PPP1CB: variants seen among roughly 807,000 people sequenced by gnomAD.
PPP1CB encodes the protein serine/threonine-protein phosphatase PP1-beta catalytic subunit.
PPP1CB carries 2 observed loss-of-function variants against 43.7 expected under a neutral mutation model. That is an observed-to-expected ratio of 0.05 (90% confidence interval 0.02 to 0.14). The LOEUF is 0.14. PPP1CB is among the 10% of genes least tolerant of loss of function. PPP1CB has a pLI of 1.00. For synonymous variants in PPP1CB, 136 were observed against 135.6 expected, an observed-to-expected ratio of 1.00 and a Z score of -0.02; for missense variants, 84 against 398.0, an observed-to-expected ratio of 0.21 and a Z score of 6.71.
chr2:28,774,749 A>G (rs1337307429), intron 1 of PPP1CB, among the ~76,000 whole-genome samples: 1 of 152,056 alleles, frequency 6.6e-6, no homozygotes, highest in Non-Finnish European at 1.5e-5. Flanking sequence ...CTTAAACTAA[A>G]ATCTTCCACA....
At chr2:28,792,300 G>A (rs1049820769) in intron 6 of PPP1CB, among the ~76,000 whole-genome samples, 13 of 151,622 alleles carry the variant, frequency 8.6e-5, no homozygotes, top group Admixed American at 5.3e-4. Flanking sequence ...AGATCGCGCC[G>A]TTGCACTCCA....
intron 1 of PPP1CB, among the ~76,000 whole-genome samples, chr2:28,773,856 A>C (rs1666968504): frequency 6.6e-6 from 1 of 152,070 alleles, no homozygotes; most frequent in East Asian, 1.9e-4. Context: ...GCATTCATCA[A>C]CTCTTAAGAT....
intron 4 of PPP1CB, among the ~76,000 whole-genome samples, chr2:28,782,264 A>G (rs1165739644): frequency 6.6e-6 from 1 of 152,154 alleles, no homozygotes; most frequent in East Asian, 1.9e-4. Flanking sequence ...TATTAACAAT[A>G]AAATAATAAA....
At chr2:28,773,049 C>T (rs1010358931) in intron 1 of PPP1CB, among the ~76,000 whole-genome samples, 4 of 152,112 alleles carry the variant, frequency 2.6e-5, no homozygotes, top group Non-Finnish European at 5.9e-5. Context: ...TCAGGCATTA[C>T]TGTCATTAGT....
At chr2:28,794,788 T>G (rs1174287979) in intron 7 of PPP1CB, among the ~76,000 whole-genome samples, 2 of 152,194 alleles carry the variant, frequency 1.3e-5, no homozygotes, top group Non-Finnish European at 2.9e-5. Flanking sequence ...TTTTTTCTTT[T>G]GAGGAAGCAC....
chr2:28,794,967 A>C (rs1023727973), intron 7 of PPP1CB, among the ~76,000 whole-genome samples: 4 of 152,114 alleles, frequency 2.6e-5, no homozygotes, highest in Non-Finnish European at 5.9e-5. Context: ...TAGTGAGCAT[A>C]GAGTTTTTCA....
intron 1 of PPP1CB, among the ~76,000 whole-genome samples, chr2:28,769,637 T>A (rs1250891360): frequency 6.6e-6 from 1 of 152,184 alleles, no homozygotes; most frequent in Non-Finnish European, 1.5e-5. Flanking sequence ...AGGATAAATG[T>A]GAGTAAATAC....
intron 1 of PPP1CB, among the ~76,000 whole-genome samples, chr2:28,771,002 A>ATACCAAT (rs1236465660): frequency 1.3e-5 from 2 of 149,962 alleles, no homozygotes; most frequent in African/African-American, 4.9e-5. Flanking sequence ...AATTGTGAAG[A>ATACCAAT]TACCAATTCT....
At position 28,759,520 on chromosome 2, in the gene PPP1CB, C is replaced by CAA. The variant is rs559532367; in HGVS notation, c.52+7369_52+7370dup. ...GGGCGAAAGAGTGAGACTGCATCTC[C>CAA]AAAAAAAAAAAAAAAAAAAAAAAAA... On this transcript the variant is annotated intron_variant, in intron 1 of 7. Transcript: ENST00000395366. Among the ~76,000 whole-genome samples the CAA allele has an allele frequency of 1.7e-3, 175 of 100,790 alleles. 3 individuals are homozygous for CAA. Among genetic ancestry groups the CAA allele is most frequent in the East Asian group, 3.4e-3 (7 of 2,062 alleles). The allele number at this position is 100,790 out of a possible 152,430, so 66.1% of individuals were successfully genotyped here.
At chr2:28,791,367 G>A (rs1002350223) in intron 6 of PPP1CB, among the ~76,000 whole-genome samples, 22 of 151,862 alleles carry the variant, frequency 1.4e-4, no homozygotes, top group Non-Finnish European at 1.2e-4. Context: ...GTCTCACACT[G>A]TTTCCCGGGC....
chr2:28,752,910 T>A (rs1231445459), intron 1 of PPP1CB, among the ~76,000 whole-genome samples: 1 of 152,242 alleles, frequency 6.6e-6, no homozygotes, highest in Non-Finnish European at 1.5e-5. Context: ...CTGCACAAAC[T>A]TAGTGAAAAT....
chr2:28,775,909 C>G (rs1169918772), intron 1 of PPP1CB, among the ~76,000 whole-genome samples: 1 of 152,184 alleles, frequency 6.6e-6, no homozygotes, highest in African/African-American at 2.4e-5. Flanking sequence ...AGATGCCTCA[C>G]TCCATCTAAA....
At chr2:28,787,960 A>G (rs10169505) in intron 5 of PPP1CB, among the ~76,000 whole-genome samples, 13,569 of 152,098 alleles carry the variant, frequency 0.089, 1,327 homozygotes, top group African/African-American at 0.23. Context: ...AAAGTCAAGG[A>G]TCTGATCTGA....
At chr2:28,780,518 C>G (rs1572459946) in intron 3 of PPP1CB, among the ~76,000 whole-genome samples, 1 of 152,144 alleles carries the variant, frequency 6.6e-6, no homozygotes, top group Non-Finnish European at 1.5e-5. Context: ...TGGAGTACAT[C>G]AAACTACAAC....
chr2:28,789,232 C>T (rs1212411666), intron 6 of PPP1CB, among the ~76,000 whole-genome samples: 1 of 151,930 alleles, frequency 6.6e-6, no homozygotes, highest in Admixed American at 6.6e-5. Flanking sequence ...TGGGGCTGGG[C>T]ATGGTGGCTC....
chr2:28,774,846 A>G (rs934872257), intron 1 of PPP1CB, among the ~76,000 whole-genome samples: 5 of 152,218 alleles, frequency 3.3e-5, no homozygotes, highest in Admixed American at 2.0e-4. Flanking sequence ...GAGAACAAGC[A>G]CTAATGAAGC....
At chr2:28,777,004 G>GA in intron 2 of PPP1CB, 22 bp downstream of exon 2, 2 of 1,605,410 alleles carry the variant, frequency 1.2e-6, no homozygotes, top group African/African-American at 2.7e-5. Flanking sequence ...GGTAAAGTTG[G>GA]AAACAACTCT....
At chr2:28,770,035 AAGGCGGAC>A (rs889628048) in intron 1 of PPP1CB, among the ~76,000 whole-genome samples, 41 of 152,152 alleles carry the variant, frequency 2.7e-4, no homozygotes, top group African/African-American at 9.6e-4. Context: ...TTGGGAGGCC[AAGGCGGAC>A]AGGTCACTTG....
chr2:28,761,046 G>T (rs1468518867), intron 1 of PPP1CB, among the ~76,000 whole-genome samples: 1 of 152,060 alleles, frequency 6.6e-6, no homozygotes, highest in Admixed American at 6.5e-5. Context: ...GATTACAGGC[G>T]CCTGCCACCA....
Sources: gnomAD v4.1 joint callset for allele counts (sites outside exome capture counted in the v4.1 genomes callset) on GRCh38, gnomAD v4.1.1 for gene constraint, MANE v1.5 for transcripts, NCBI Gene and HGNC (gene_info 2026-07-23, HGNC 2026-07-21) for gene names.